Variants in FLI1 observed in about 807,000 individuals in gnomAD.
FLI1 encodes the protein Fli-1 proto-oncogene, ETS transcription factor.
FLI1 carries 13 observed loss-of-function variants against 53.1 expected under a neutral mutation model. The ratio of observed to expected loss-of-function variants is 0.24; its 90% CI spans 0.16 to 0.39. FLI1 has a LOEUF of 0.39. FLI1 is among the 10% of genes least tolerant of loss of function. The probability of loss-of-function intolerance (pLI) is 1.00; values close to 1 mark genes in which losing one functional copy is unlikely to be tolerated. For synonymous variants in FLI1, 244 were observed against 236.7 expected, an observed-to-expected ratio of 1.03 and a Z score of -0.28; for missense variants, 424 against 600.5, an observed-to-expected ratio of 0.71 and a Z score of 3.07.
At chr11:128,795,450 A>G (rs1942405752) in intron 5 of FLI1, among the ~76,000 whole-genome samples, 3 of 152,232 alleles carry the variant, frequency 2.0e-5, no homozygotes, top group Admixed American at 6.5e-5. Flanking sequence ...ACCAGAAGAA[A>G]TTAGCTTTGG....
chr11:128,765,924 G>T (rs1941323416), intron 2 of FLI1, among the ~76,000 whole-genome samples: 1 of 152,204 alleles, frequency 6.6e-6, no homozygotes, highest in African/African-American at 2.4e-5. Context: ...TGTGGGTGAA[G>T]TATGTGTGTT....
At chr11:128,704,874 A>G (rs1405760024) in intron 1 of FLI1, among the ~76,000 whole-genome samples, 4 of 152,256 alleles carry the variant, frequency 2.6e-5, no homozygotes, top group Admixed American at 2.0e-4. Context: ...ATAGTTATAA[A>G]GAGAATAAGT....
chr11:128,718,450 C>T (rs1285580522), intron 1 of FLI1, among the ~76,000 whole-genome samples: 2 of 152,158 alleles, frequency 1.3e-5, no homozygotes, highest in African/African-American at 2.4e-5. Context: ...AGAGGCTCCC[C>T]CAGAGCTGGC....
rs1453048408 is a variant in FLI1, at chr11:128,812,003, T to G, written c.*1015T>G. 3 of 204,462 alleles carry G rather than the reference T, an allele frequency of 1.5e-5. No homozygotes were observed. The East Asian group carries it at 2.3e-4, about 15-fold the overall frequency. 12.7% of individuals were successfully genotyped at this position (204,462 alleles called of 1,614,324 possible). A position where few individuals can be genotyped will look rare whatever the true frequency, so the allele number is the denominator to read the frequency against. Reference sequence around the variant, plus strand: ...GTACATCTTTTTTCAATCTGTACATTTGGGCTGTCTGTATGTTTTTATAGC... The same window carrying G: ...GTACATCTTTTTTCAATCTGTACATGTGGGCTGTCTGTATGTTTTTATAGC... On this transcript the variant is annotated 3_prime_UTR_variant, in exon 9 of 9. Coordinates refer to ENST00000527786, the MANE Select transcript of FLI1 (RefSeq NM_002017.5).
intron 1 of FLI1, among the ~76,000 whole-genome samples, chr11:128,725,647 C>CT (rs1565468106): frequency 0.014 from 540 of 38,040 alleles, 4 homozygotes; most frequent in African/African-American, 0.029. Flanking sequence ...ATTCTCTCTC[C>CT]CTCTCTCTCT....
intron 1 of FLI1, among the ~76,000 whole-genome samples, chr11:128,757,519 T>C (rs1025951905): frequency 1.6e-4 from 24 of 152,172 alleles, no homozygotes; most frequent in African/African-American, 5.3e-4. Flanking sequence ...TTAATCCACC[T>C]ATCGACTCTG....
rs570200765 is a variant in FLI1, at chr11:128,687,022, C to T, written c.-203+321C>T. On this transcript the variant is annotated intron_variant, in intron 1 of 6. Coordinates refer to the FLI1 transcript ENST00000344954. ...CGGGTGGGGTGCTCTGAGCGGCTGG[C>T]GCACAGCGTGTTCCCTGCATTAAGC... 22 of 157,568 alleles carry T rather than the reference C, an allele frequency of 1.4e-4. No homozygotes were observed. The South Asian group carries it at 3.6e-3, about 26-fold the overall frequency. The allele number at this position is 157,568 out of a possible 1,614,324, so 9.8% of individuals were successfully genotyped here. A position where few individuals can be genotyped will look rare whatever the true frequency, so the allele number is the denominator to read the frequency against.
chr11:128,794,587 T>C (rs1194163539), intron 5 of FLI1, among the ~76,000 whole-genome samples: 1 of 152,246 alleles, frequency 6.6e-6, no homozygotes, highest in Non-Finnish European at 1.5e-5. Context: ...TAAAAACCTT[T>C]CTAATCCCTT....
At chr11:128,800,492 C>G (rs1302676180) in intron 5 of FLI1, among the ~76,000 whole-genome samples, 2 of 152,120 alleles carry the variant, frequency 1.3e-5, no homozygotes, top group Non-Finnish European at 2.9e-5. Flanking sequence ...AGAGCAGAAG[C>G]AAATATCTTC....
Position 128,736,437 on chromosome 11 carries a change from T to G in FLI1, c.19-21678T>G, listed in dbSNP as rs148165431. ...CACTCTTGTAGCAGGCTTGTCATAC[T>G]TGAAATTCTAACTGGTAGCTTGATA... is the stretch of plus-strand genomic sequence containing the variant. On this transcript the variant is annotated intron_variant, in intron 1 of 8. Transcript: ENST00000527786. Among the ~76,000 whole-genome samples the G allele has an allele frequency of 7.4e-3, 1,132 of 152,318 alleles. 25 individuals are homozygous for G. The highest frequency in any genetic ancestry group is 0.026 in the African/African-American group (1,080 of 41,554).
At chr11:128,705,959 C>T (rs565806800) in intron 1 of FLI1, among the ~76,000 whole-genome samples, 3 of 152,200 alleles carry the variant, frequency 2.0e-5, no homozygotes, top group Admixed American at 2.0e-4. Context: ...TGTGCAATTA[C>T]CAGGGGTCGA....
chr11:128,764,350 G>A (rs185470584), intron 2 of FLI1, among the ~76,000 whole-genome samples: 52 of 152,224 alleles, frequency 3.4e-4, no homozygotes, highest in African/African-American at 1.2e-3. Flanking sequence ...GTCCAGTGGT[G>A]GAAATGAAGG....
chr11:128,754,164 A>G (rs1238840215), intron 1 of FLI1, among the ~76,000 whole-genome samples: 3 of 151,024 alleles, frequency 2.0e-5, no homozygotes, highest in Admixed American at 6.6e-5. Context: ...CCCATGATCT[A>G]TCTCTTCTTT....
intron 1 of FLI1, among the ~76,000 whole-genome samples, chr11:128,752,397 C>T (rs1357623172): frequency 1.3e-5 from 2 of 152,306 alleles, no homozygotes; most frequent in South Asian, 2.1e-4. Context: ...TTATCCCCAA[C>T]CTACAGATGA....
intron 1 of FLI1, among the ~76,000 whole-genome samples, chr11:128,712,158 A>T (rs1158247026): frequency 6.6e-6 from 1 of 152,176 alleles, no homozygotes; most frequent in East Asian, 1.9e-4. Context: ...GCGAGAAGTG[A>T]GTTCTGGCTC....
chr11:128,739,488 G>A (rs552585025), intron 1 of FLI1, among the ~76,000 whole-genome samples: 1 of 152,006 alleles, frequency 6.6e-6, no homozygotes, highest in African/African-American at 2.4e-5. Flanking sequence ...CCTTCAAAAG[G>A]CATTTTAATT....
intron 1 of FLI1, among the ~76,000 whole-genome samples, chr11:128,746,507 C>T (rs1460682616): frequency 4.6e-5 from 7 of 152,224 alleles, no homozygotes; most frequent in African/African-American, 1.7e-4. Context: ...CCCTTTGTCA[C>T]GCAGAGTCCT....
chr11:128,770,807 C>G (rs1696510590), intron 3 of FLI1, among the ~76,000 whole-genome samples: 1 of 152,218 alleles, frequency 6.6e-6, no homozygotes, highest in Non-Finnish European at 1.5e-5. Context: ...AAAATTATTT[C>G]CATTTGCCAA....
At chr11:128,794,209 G>A (rs1249960589) in intron 5 of FLI1, among the ~76,000 whole-genome samples, 1 of 152,196 alleles carries the variant, frequency 6.6e-6, no homozygotes, top group Admixed American at 6.5e-5. Context: ...CACAATAGAA[G>A]TTAAAAGTGA....
Sources: gnomAD v4.1 joint callset for allele counts (sites outside exome capture counted in the v4.1 genomes callset) on GRCh38, gnomAD v4.1.1 for gene constraint, MANE v1.5 for transcripts, NCBI Gene and HGNC (gene_info 2026-07-23, HGNC 2026-07-21) for gene names.